Variants in RPTOR observed in about 807,000 individuals in gnomAD.
RPTOR encodes regulatory-associated protein of mTOR.
Under a neutral mutation model 169.9 loss-of-function variants are expected in RPTOR, and 21 were observed. The observed-to-expected ratio is 0.12, with a 90% CI of 0.09 to 0.18. The LOEUF is 0.18. Ranked by LOEUF, RPTOR falls within the 10% of genes least tolerant of loss-of-function variation. The pLI is 1.00. For synonymous variants in RPTOR, 732 were observed against 753.2 expected (o/e 0.97, Z 0.46); for missense variants, 1,133 against 1,855.9 (o/e 0.61, Z 7.16).
rs1567877239 is a variant in RPTOR at position 80,726,477 on chromosome 17, T to TA, written c.508-4079dup. On this transcript the variant is annotated intron_variant, in intron 4 of 33. Transcript: ENST00000306801. The surrounding 1 kb of genome is among the most constrained non-coding windows in gnomAD (Gnocchi z 4.5). The stretch of plus-strand genomic sequence containing the variant: ...TTCCTGAACTTTGCATCTCAGAATT[T>TA]AAAATGGAGATTTTGATTTTGATTT... Among the ~76,000 whole-genome samples the TA allele has an allele frequency of 6.6e-6, 1 of 152,232 alleles. No homozygotes were observed. The highest frequency in any genetic ancestry group is 1.5e-5 in the Non-Finnish European group (1 of 68,042).
intron 28 of RPTOR, among the ~76,000 whole-genome samples, chr17:80,950,270 C>T (rs1468036): frequency 2.0e-5 from 3 of 152,202 alleles, no homozygotes; most frequent in Non-Finnish European, 2.9e-5. Context: ...GCCAGCCCCC[C>T]TCTGCCGGCT....
Position 80,878,588 on chromosome 17 carries a change from C to A in RPTOR, c.1510-1827C>A, listed in dbSNP as rs1001032305. On this transcript the variant is annotated intron_variant, in intron 13 of 33. Coordinates refer to ENST00000306801, the MANE Select transcript of RPTOR (RefSeq NM_020761.3). This position sits in a 1 kb window ranked among gnomAD's most constrained non-coding sequence, Gnocchi z 4.1. ...GTCTCGAACTCCTGACCTTGTGACCCGCCTGTCTCAGCCTCCCAAAGTGCT... is the reference window on the plus strand; with the variant it reads ...GTCTCGAACTCCTGACCTTGTGACCAGCCTGTCTCAGCCTCCCAAAGTGCT... 6.6e-6 allele frequency among the ~76,000 whole-genome samples: 1 copy of A among 152,076 alleles called. No homozygotes were observed. The highest frequency in any genetic ancestry group is 2.4e-5 in the African/African-American group (1 of 41,378).
chr17:80,788,424 G>A (rs559556757), intron 6 of RPTOR, among the ~76,000 whole-genome samples: 262 of 151,972 alleles, frequency 1.7e-3, no homozygotes, highest in Middle Eastern at 6.8e-3. Flanking sequence ...CTCCAGCCTG[G>A]GTGACAGAGT....
At chr17:80,838,465 T>C (rs559202361) in intron 10 of RPTOR, among the ~76,000 whole-genome samples, 2 of 152,294 alleles carry the variant, frequency 1.3e-5, no homozygotes, top group African/African-American at 4.8e-5. Context: ...AACCTGGGTT[T>C]AGTCGCCGCA....
chr17:80,880,753 A>T (rs1489368235), intron 14 of RPTOR, among the ~76,000 whole-genome samples: 1 of 152,216 alleles, frequency 6.6e-6, no homozygotes, highest in Non-Finnish European at 1.5e-5. Flanking sequence ...AGTTTATTTT[A>T]GTCTCTTTTC....
rs981267447 is a variant in RPTOR at position 80,964,785 on chromosome 17, G to C, written c.*455G>C. On this transcript the variant is annotated 3_prime_UTR_variant, in exon 34 of 34. Coordinates refer to ENST00000306801, the MANE Select transcript of RPTOR (RefSeq NM_020761.3). Reference sequence around the variant, plus strand: ...CCATCAGGCCAAGAGCGAGCGAGAGGCGCTGCCCCAGCCAGGCCCACCACC... The same window carrying C: ...CCATCAGGCCAAGAGCGAGCGAGAGCCGCTGCCCCAGCCAGGCCCACCACC... 2.7e-4 allele frequency: 65 copies of C among 241,364 alleles called. No homozygotes were observed. Among genetic ancestry groups the C allele is most frequent in the Non-Finnish European group, 4.5e-4 (55 of 122,980 alleles). The allele number at this position is 241,364 out of a possible 1,614,324, so 15.0% of individuals were successfully genotyped here.
intron 1 of RPTOR, among the ~76,000 whole-genome samples, chr17:80,554,304 A>G (rs150990607): frequency 9.2e-5 from 14 of 152,158 alleles, no homozygotes; most frequent in Admixed American, 3.3e-4. Flanking sequence ...CCACTTACTC[A>G]ATTTTGTTGT....
At chr17:80,938,107 C>T (rs981096288) in intron 24 of RPTOR, among the ~76,000 whole-genome samples, 6 of 152,270 alleles carry the variant, frequency 3.9e-5, no homozygotes, top group Admixed American at 6.5e-5. Context: ...AGGGCCCTTG[C>T]AGTGCCGTGG....
At chr17:80,760,967 T>A (rs571747084) in intron 6 of RPTOR, among the ~76,000 whole-genome samples, 6 of 152,384 alleles carry the variant, frequency 3.9e-5, no homozygotes, top group Admixed American at 2.6e-4. Context: ...ATGATGAACT[T>A]GTTGGAAGAC....
At chr17:80,897,153 G>A (rs2143893425) in intron 20 of RPTOR, among the ~76,000 whole-genome samples, 1 of 152,034 alleles carries the variant, frequency 6.6e-6, no homozygotes, top group East Asian at 1.9e-4. Context: ...CCCAGCTACT[G>A]GAGGAGAATC....
chr17:80,883,595 G>C (rs1034900497), intron 15 of RPTOR, 111 bp downstream of exon 15: 6 of 1,248,552 alleles, frequency 4.8e-6, no homozygotes, highest in Non-Finnish European at 5.8e-6. Context: ...TCCAGCAGAG[G>C]CTCTGACCCT....
rs75489812 is a variant in RPTOR at position 80,756,786 on chromosome 17, G to T, written c.830+2601G>T. Among the ~76,000 whole-genome samples the T allele has an allele frequency of 5.9e-3, 898 of 152,074 alleles. 46 individuals are homozygous for T. In the East Asian group the frequency reaches 0.1, roughly 17 times the overall value. On this transcript the variant is annotated intron_variant, in intron 6 of 33. Coordinates refer to ENST00000306801, the MANE Select transcript of RPTOR (RefSeq NM_020761.3). ...TTGATCATTACGCATTGTATGCACGGATCAAAATATCACATGGAGCCCCAA... is the reference window on the plus strand; with the variant it reads ...TTGATCATTACGCATTGTATGCACGTATCAAAATATCACATGGAGCCCCAA...
At chr17:80,622,830 G>C (rs1336822446) in intron 1 of RPTOR, among the ~76,000 whole-genome samples, 1 of 152,094 alleles carries the variant, frequency 6.6e-6, no homozygotes, top group African/African-American at 2.4e-5. Flanking sequence ...TTGAGCCCAG[G>C]AGGTGGAGGT....
chr17:80,787,611 G>A (rs2067006639), intron 6 of RPTOR, among the ~76,000 whole-genome samples: 2 of 152,164 alleles, frequency 1.3e-5, no homozygotes, highest in Admixed American at 6.5e-5. Context: ...TTTCCCAGTG[G>A]TTGTGCCATT....
At chr17:80,724,041 G>A (rs948857583) in intron 4 of RPTOR, among the ~76,000 whole-genome samples, 3 of 151,370 alleles carry the variant, frequency 2.0e-5, no homozygotes, top group African/African-American at 7.4e-5. Flanking sequence ...AGGAGAAAGG[G>A]GGTTGCTGAA....
intron 31 of RPTOR, 142 bp downstream of exon 31, chr17:80,961,622 G>A: frequency 1.0e-6 from 1 of 976,454 alleles, no homozygotes; most frequent in Non-Finnish European, 1.5e-6. Context: ...GAACTGGCCA[G>A]AAAGATCAGG....
At chr17:80,799,512 T>G (rs185603374) in intron 7 of RPTOR, among the ~76,000 whole-genome samples, 3 of 152,318 alleles carry the variant, frequency 2.0e-5, no homozygotes, top group East Asian at 3.9e-4. Flanking sequence ...ACTCACCACA[T>G]GGAAATTTCT....
intron 20 of RPTOR, among the ~76,000 whole-genome samples, chr17:80,896,506 C>T (rs1486707153): frequency 2.0e-5 from 3 of 148,762 alleles, no homozygotes; most frequent in African/African-American, 7.4e-5. Context: ...ACCCCACGGC[C>T]GCACCGACAC....
At chr17:80,908,503 G>C (rs138284401) in intron 20 of RPTOR, among the ~76,000 whole-genome samples, 1 of 152,318 alleles carries the variant, frequency 6.6e-6, no homozygotes, top group East Asian at 1.9e-4. Context: ...ACGCTCCTCC[G>C]GGAGTGTGGT....
Sources: gnomAD v4.1 joint callset for allele counts (sites outside exome capture counted in the v4.1 genomes callset) on GRCh38, gnomAD v4.1.1 for gene constraint, Gnocchi (gnomAD v3.1) non-coding constraint, MANE v1.5 for transcripts, NCBI Gene and HGNC (gene_info 2026-07-23, HGNC 2026-07-21) for gene names.